SOX10: variants seen among roughly 807,000 people sequenced by gnomAD.
SOX10 encodes the protein SRY-box transcription factor 10, also known as transcription factor SOX-10.
A neutral mutation model predicts 35.0 loss-of-function variants in SOX10; 3 were observed. The ratio of observed to expected loss-of-function variants is 0.09; its 90% confidence interval spans 0.04 to 0.22. The LOEUF (loss-of-function observed/expected upper bound fraction) is 0.22, where lower values mean the gene tolerates loss of function less well. Ranked by LOEUF, SOX10 falls within the 10% of genes least tolerant of loss-of-function variation. SOX10 has a pLI of 1.00. For synonymous variants in SOX10, 285 were observed against 291.0 expected, an observed-to-expected ratio of 0.98 and a Z score of 0.21; for missense variants, 436 against 655.1, an observed-to-expected ratio of 0.67 and a Z score of 3.65.
rs955920601 is a variant in SOX10 at position 37,972,771 on chromosome 22, C to T, written c.*724G>A. The T allele has an allele frequency of 4.5e-5, 7 of 156,430 alleles. No individual in the cohort carries two copies. Among genetic ancestry groups the T allele is most frequent in the Non-Finnish European group, 7.1e-5 (5 of 70,464 alleles). The allele number at this position is 156,430 out of a possible 1,614,324, so 9.7% of individuals were successfully genotyped here. A position where few individuals can be genotyped will look rare whatever the true frequency, so the allele number is the denominator to read the frequency against. On this transcript the variant is annotated 3_prime_UTR_variant, in exon 4 of 4. Transcript: ENST00000396884. ...CTTTCCTGGAGCCCCTGCCTCGTCA[C>T]CTCCTGGGATGCGTCTCAAGGTCAT...
At chr22:37,981,501 C>T (rs1932394945) in intron 2 of SOX10, among the ~76,000 whole-genome samples, 1 of 152,214 alleles carries the variant, frequency 6.6e-6, no homozygotes, top group African/African-American at 2.4e-5. Context: ...GAAGGGAGTC[C>T]AAGCCCAGGG....
Position 37,980,816 on chromosome 22 carries a change from G to A in SOX10, c.428+2541C>T, listed in dbSNP as rs1444480597. Among the ~76,000 whole-genome samples the A allele has an allele frequency of 6.6e-6, 1 of 152,204 alleles. No homozygotes were observed. The highest frequency in any genetic ancestry group is 1.5e-5 in the Non-Finnish European group (1 of 68,046). ...CCCCAACCGGGGACCTCCCACAGTG[G>A]GGCACTGATTGCTGCTACCTGTGTC... On this transcript the variant is annotated intron_variant, in intron 2 of 3. Transcript: ENST00000396884. This position sits in a 1 kb window ranked among gnomAD's most constrained non-coding sequence, Gnocchi z 4.1.
In SOX10 at chr22:37,974,641, C is replaced by T. The variant is rs1932171496; in HGVS notation, c.698-443G>A. ...GTGCTGGGATTACCATCATGAGCCACTGCGCCCCACAGCATTTGTTTAAAT... is the reference window on the plus strand; with the variant it reads ...GTGCTGGGATTACCATCATGAGCCATTGCGCCCCACAGCATTTGTTTAAAT... On this transcript the variant is annotated intron_variant, in intron 3 of 3. Coordinates refer to ENST00000396884, the MANE Select transcript of SOX10 (RefSeq NM_006941.4). This position sits in a 1 kb window ranked among gnomAD's most constrained non-coding sequence, Gnocchi z 5.4. Among the ~76,000 whole-genome samples, 1 of 152,214 alleles carries T rather than the reference C, an allele frequency of 6.6e-6. No homozygotes were observed. Among genetic ancestry groups the T allele is most frequent in the Admixed American group, 6.5e-5 (1 of 15,282 alleles).
chr22:37,983,827 C>G lies in SOX10; in HGVS notation c.-43G>C. The G allele has an allele frequency of 5.1e-6, 7 of 1,363,134 alleles. No homozygotes were observed. The highest frequency in any genetic ancestry group is 6.6e-6 in the Non-Finnish European group (7 of 1,058,118). 84.4% of individuals were successfully genotyped at this position (1,363,134 alleles called of 1,614,324 possible). Reference sequence around the variant, plus strand: ...CCGCCGCCGCCTCGGCCGCCTCCCCCGGGCCAGCCGCCGGGGTCCTCGCAA... The same window carrying G: ...CCGCCGCCGCCTCGGCCGCCTCCCCGGGGCCAGCCGCCGGGGTCCTCGCAA... On this transcript the variant is annotated 5_prime_UTR_variant, in exon 2 of 4. Transcript: ENST00000396884. The surrounding 1 kb of genome is among the most constrained non-coding windows in gnomAD (Gnocchi z 9.5).
intron 3 of SOX10, among the ~76,000 whole-genome samples, chr22:37,977,182 AAAG>A (rs1259354179): frequency 6.6e-6 from 1 of 151,118 alleles, no homozygotes; most frequent in Non-Finnish European, 1.5e-5. Flanking sequence ...AAAAAAAAAA[AAAG>A]AATGGCTGGT....
At position 37,973,428 on chromosome 22, in the gene SOX10, G is replaced by T; in HGVS notation, c.*67C>A. On this transcript the variant is annotated 3_prime_UTR_variant, in exon 4 of 4. Transcript: ENST00000396884. ...CACTGCCACCACCAGGCCTGAGGTGGGCAAGGAACAGGGCACACAGGCTGG... is the reference window on the plus strand; with the variant it reads ...CACTGCCACCACCAGGCCTGAGGTGTGCAAGGAACAGGGCACACAGGCTGG... The T allele has an allele frequency of 9.3e-7, 1 of 1,073,770 alleles. No homozygotes were observed. The highest frequency in any genetic ancestry group is 1.3e-6 in the Non-Finnish European group (1 of 750,016). 66.5% of individuals were successfully genotyped at this position (1,073,770 alleles called of 1,614,324 possible).
chr22:37,972,784 G>A lies in SOX10; in HGVS notation c.*711C>T, dbSNP rs60962899. 0.034 allele frequency: 5,299 copies of A among 156,158 alleles called. 304 individuals are homozygous for A. The highest frequency in any genetic ancestry group is 0.12 in the African/African-American group (5,050 of 41,494). 9.7% of individuals were successfully genotyped at this position (156,158 alleles called of 1,614,324 possible). On this transcript the variant is annotated 3_prime_UTR_variant, in exon 4 of 4. Coordinates refer to ENST00000396884, the MANE Select transcript of SOX10 (RefSeq NM_006941.4). ...CCTGCCTCGTCACCTCCTGGGATGC[G>A]TCTCAAGGTCATGGAGGTTGTAGTG...
Position 37,973,995 on chromosome 22 carries a change from G to A in SOX10, c.901C>T (p.Leu301=), listed in dbSNP as rs1156914023. Residue 301 remains leucine, a synonymous_variant, in exon 4 of 4, where the codon CTG becomes TTG. Transcript: ENST00000396884. ...TFDVAELDQY[L]PPNGHPGHVS... Reference sequence around the variant, plus strand: ...TGGCCTGGGTGCCCATTGGGCGGCAGGTACTGGTCCAACTCAGCCACATCA... The same window carrying A: ...TGGCCTGGGTGCCCATTGGGCGGCAAGTACTGGTCCAACTCAGCCACATCA... 2 of 1,613,296 alleles carry A rather than the reference G, an allele frequency of 1.2e-6. No individual in the cohort carries two copies. The highest frequency in any genetic ancestry group is 1.7e-5 in the Admixed American group (1 of 60,032).
chr22:37,982,979 C>A (rs1248004338), intron 2 of SOX10, among the ~76,000 whole-genome samples: 1 of 152,236 alleles, frequency 6.6e-6, no homozygotes, highest in Non-Finnish European at 1.5e-5. Context: ...TCTTTCCAAG[C>A]GTTTCCCTCG....
rs1292463572 is a variant in SOX10 at position 37,972,613 on chromosome 22, G to A, written c.*882C>T. 5.2e-6 allele frequency: 1 copy of A among 190,832 alleles called. No homozygotes were observed. Among genetic ancestry groups the A allele is most frequent in the Non-Finnish European group, 1.1e-5 (1 of 90,952 alleles). The allele number at this position is 190,832 out of a possible 1,614,324, so 11.8% of individuals were successfully genotyped here. A position where few individuals can be genotyped will look rare whatever the true frequency, so the allele number is the denominator to read the frequency against. On this transcript the variant is annotated 3_prime_UTR_variant, in exon 4 of 4. Transcript: ENST00000396884. Reference sequence around the variant, plus strand: ...TGTGTCTCCTGGAGCCAAGGGTTAGGGCCTGAGCAGCTGTCACTCTCTGGG... The same window carrying A: ...TGTGTCTCCTGGAGCCAAGGGTTAGAGCCTGAGCAGCTGTCACTCTCTGGG...
At chr22:37,975,773 C>T (rs995862443) in intron 3 of SOX10, among the ~76,000 whole-genome samples, 2 of 152,070 alleles carry the variant, frequency 1.3e-5, no homozygotes, top group East Asian at 1.9e-4. Flanking sequence ...AGAGATTGTA[C>T]CAAGCAGCCC....
At chr22:37,979,372 A>C (rs1239154152) in intron 2 of SOX10, among the ~76,000 whole-genome samples, 1 of 152,198 alleles carries the variant, frequency 6.6e-6, no homozygotes, top group Non-Finnish European at 1.5e-5. Context: ...TGCTGAGATT[A>C]TAGGCATGAG....
intron 2 of SOX10, among the ~76,000 whole-genome samples, chr22:37,981,910 G>C (rs903353433): frequency 6.6e-6 from 1 of 152,178 alleles, no homozygotes; most frequent in South Asian, 2.1e-4. Context: ...AGGGGCACCA[G>C]GTCTTCAGCA....
Position 37,974,347 on chromosome 22 carries a change from G to GA in SOX10, c.698-150_698-149insT. The stretch of plus-strand genomic sequence containing the variant: ...TTCACATTTTGGCAGCATGAGTCGG[G>GA]TTTTTTTTTGTTTTTTTTTTTTGAG... On this transcript the variant is annotated intron_variant, in intron 3 of 3. Coordinates refer to ENST00000396884, the MANE Select transcript of SOX10 (RefSeq NM_006941.4). The surrounding 1 kb of genome is among the most constrained non-coding windows in gnomAD (Gnocchi z 5.4). 3.4e-6 allele frequency: 2 copies of GA among 583,926 alleles called. No homozygotes were observed. Among genetic ancestry groups the GA allele is most frequent in the South Asian group, 2.2e-5 (1 of 45,524 alleles). The allele number at this position is 583,926 out of a possible 1,614,324, so 36.2% of individuals were successfully genotyped here.
rs1932484859 is a variant in SOX10 at position 37,983,806 on chromosome 22, C to CGCCTCG, written c.-23_-22insCGAGGC. 15 of 1,416,600 alleles carry CGCCTCG rather than the reference C, an allele frequency of 1.1e-5. No homozygotes were observed. Among genetic ancestry groups the CGCCTCG allele is most frequent in the Non-Finnish European group, 1.3e-5 (14 of 1,084,226 alleles). 87.8% of individuals were successfully genotyped at this position (1,416,600 alleles called of 1,614,324 possible). A position where few individuals can be genotyped will look rare whatever the true frequency, so the allele number is the denominator to read the frequency against. Reference sequence around the variant, plus strand: ...CCATGTCGCCCCCGGCCGCCGCCGCCGCCGCCTCGGCCGCCTCCCCCGGGC... The same window carrying CGCCTCG: ...CCATGTCGCCCCCGGCCGCCGCCGCCGCCTCGGCCGCCTCGGCCGCCTCCCCCGGGC... On this transcript the variant is annotated 5_prime_UTR_variant, in exon 2 of 4. Transcript: ENST00000396884. This position sits in a 1 kb window ranked among gnomAD's most constrained non-coding sequence, Gnocchi z 9.5.
At chr22:37,982,575 C>T (rs1293225728) in intron 2 of SOX10, among the ~76,000 whole-genome samples, 2 of 152,138 alleles carry the variant, frequency 1.3e-5, no homozygotes, top group Non-Finnish European at 2.9e-5. Flanking sequence ...AGGTTTCCTT[C>T]TGGCCAGAGT....
In SOX10 at chr22:37,983,805, C is replaced by A; in HGVS notation, c.-21G>T. The A allele has an allele frequency of 7.1e-7, 1 of 1,418,226 alleles. No homozygotes were observed. Among genetic ancestry groups the A allele is most frequent in the Admixed American group, 2.6e-5 (1 of 38,784 alleles). The allele number at this position is 1,418,226 out of a possible 1,614,324, so 87.9% of individuals were successfully genotyped here. ...GCCATGTCGCCCCCGGCCGCCGCCG[C>A]CGCCGCCTCGGCCGCCTCCCCCGGG... On this transcript the variant is annotated 5_prime_UTR_variant, in exon 2 of 4. Coordinates refer to ENST00000396884, the MANE Select transcript of SOX10 (RefSeq NM_006941.4). This position sits in a 1 kb window ranked among gnomAD's most constrained non-coding sequence, Gnocchi z 9.5.
chr22:37,982,041 A>C (rs542505929), intron 2 of SOX10, among the ~76,000 whole-genome samples: 42 of 152,180 alleles, frequency 2.8e-4, no homozygotes, highest in South Asian at 8.3e-4. Flanking sequence ...GTGGCTGGCA[A>C]GGGGGAGGGC....
At position 37,973,448 on chromosome 22, in the gene SOX10, G is replaced by T; in HGVS notation, c.*47C>A. The T allele has an allele frequency of 7.7e-7, 1 of 1,294,238 alleles. No homozygotes were observed. The highest frequency in any genetic ancestry group is 1.1e-6 in the Non-Finnish European group (1 of 933,230). 80.2% of individuals were successfully genotyped at this position (1,294,238 alleles called of 1,614,324 possible). A position where few individuals can be genotyped will look rare whatever the true frequency, so the allele number is the denominator to read the frequency against. The stretch of plus-strand genomic sequence containing the variant: ...AGGTGGGCAAGGAACAGGGCACACA[G>T]GCTGGGGGCAGGGGCTGGGCGGGGG... On this transcript the variant is annotated 3_prime_UTR_variant, in exon 4 of 4. Transcript: ENST00000396884.
Sources: gnomAD v4.1 joint callset for allele counts (sites outside exome capture counted in the v4.1 genomes callset) on GRCh38, gnomAD v4.1.1 for gene constraint, Gnocchi (gnomAD v3.1) non-coding constraint, MANE v1.5 for transcripts, NCBI Gene and HGNC (gene_info 2026-07-23, HGNC 2026-07-21) for gene names.